MAP4: variants seen among roughly 807,000 people sequenced by gnomAD.
The protein encoded by MAP4 is microtubule-associated protein 4.
A neutral mutation model predicts 170.2 loss-of-function variants in MAP4; 76 were observed. That is an observed-to-expected ratio of 0.45 (90% CI 0.37 to 0.54). The LOEUF (loss-of-function observed/expected upper bound fraction) is 0.54, where lower values mean the gene tolerates loss of function less well. Ranked by LOEUF, MAP4 falls within the 20% of genes least tolerant of loss-of-function variation. MAP4 has a pLI of 0.00. For synonymous variants in MAP4, 909 were observed against 994.5 expected, an observed-to-expected ratio of 0.91 and a Z score of 1.62; for missense variants, 2,506 against 2,748.0, an observed-to-expected ratio of 0.91 and a Z score of 1.97.
intron 10 of MAP4, among the ~76,000 whole-genome samples, chr3:47,881,456 A>ATG (rs2096712122): frequency 4.0e-5 from 1 of 25,012 alleles, no homozygotes; most frequent in Non-Finnish European, 7.6e-5. Context: ...CTATATATAT[A>ATG]TATATATATA....
At chr3:47,869,400 G>T in intron 15 of MAP4, 73 bp from the exon 16 acceptor site, 1 of 1,014,024 alleles carries the variant, frequency 9.9e-7, no homozygotes, top group Non-Finnish European at 1.6e-6. Flanking sequence ...AGGGAAGAAG[G>T]CTGTAGGGGA....
chr3:47,867,418 C>T, intron 16 of MAP4, 80 bp from the exon 17 acceptor site: 1 of 865,878 alleles, frequency 1.2e-6, no homozygotes, highest in Middle Eastern at 2.2e-4. Context: ...AGTGAGTCCA[C>T]ACGTGATCAC....
chr3:47,917,081 TC>T lies in MAP4; in HGVS notation c.745del (p.Asp249ThrfsTer18). The T allele has an allele frequency of 6.2e-7, 1 of 1,614,170 alleles. No individual in the cohort carries two copies. Among genetic ancestry groups the T allele is most frequent in the South Asian group, 1.1e-5 (1 of 91,088 alleles). ...LEIMMGLKTT[D>X]MAPSKETEMA... ...CTCTGTTTCTTTAGATGGTGCCATG[TC>T]AGTAGTCTTCAGTCCCATCATTATT... is the stretch of plus-strand genomic sequence containing the variant. On this transcript the variant is annotated frameshift_variant, in exon 7 of 21. Transcript: ENST00000683076. LOFTEE classifies it high-confidence loss of function.
At chr3:48,022,908 A>G (rs374005151) in intron 1 of MAP4, among the ~76,000 whole-genome samples, 2 of 142,904 alleles carry the variant, frequency 1.4e-5, no homozygotes, top group Admixed American at 1.4e-4. Flanking sequence ...AAAAAAAAAA[A>G]TTTATTTTCC....
Position 48,061,523 on chromosome 3 carries a change from G to A in MAP4, c.-20+27250C>T, listed in dbSNP as rs568624076. On this transcript the variant is annotated intron_variant, in intron 1 of 18. Coordinates refer to the MAP4 transcript ENST00000360240. ...ATGTTGCCCAGGCTGGAGTGCAGTGGCGTGATCTCAGCTAGCTACAACCTC... is the reference window on the plus strand; with the variant it reads ...ATGTTGCCCAGGCTGGAGTGCAGTGACGTGATCTCAGCTAGCTACAACCTC... 2.0e-5 allele frequency among the ~76,000 whole-genome samples: 3 copies of A among 152,302 alleles called. No homozygotes were observed. The South Asian group carries it at 6.2e-4, about 32-fold the overall frequency.
intron 10 of MAP4, among the ~76,000 whole-genome samples, chr3:47,883,166 A>G (rs534658043): frequency 6.6e-6 from 1 of 152,290 alleles, no homozygotes; most frequent in Non-Finnish European, 1.5e-5. Context: ...ATCAGATGGC[A>G]TTACAATTTG....
chr3:47,921,720 T>A (rs766224336), intron 5 of MAP4, 45 bp downstream of exon 5: 65 of 1,186,308 alleles, frequency 5.5e-5, no homozygotes, highest in East Asian at 9.3e-5. Context: ...AAAGAAAAAA[T>A]TTTTTTCCTT....
intron 3 of MAP4, 84 bp from the exon 4 acceptor site, chr3:47,928,434 G>T: frequency 1.5e-6 from 2 of 1,341,290 alleles, no homozygotes; most frequent in Non-Finnish European, 2.1e-6. Flanking sequence ...AAGTATTACA[G>T]CTAGTACAAT....
chr3:48,047,992 T>C (rs967321409), intron 1 of MAP4, among the ~76,000 whole-genome samples: 1 of 152,206 alleles, frequency 6.6e-6, no homozygotes, highest in African/African-American at 2.4e-5. Flanking sequence ...TAGTTCCATC[T>C]ACTTGGAAGG....
chr3:47,918,166 T>A (rs2100040785), intron 6 of MAP4, among the ~76,000 whole-genome samples: 1 of 152,204 alleles, frequency 6.6e-6, no homozygotes. Flanking sequence ...GTATTTTTAG[T>A]AGAGACGGGG....
chr3:47,875,931 T>A, intron 11 of MAP4, 31 bp from the exon 12 acceptor site: 1 of 1,513,334 alleles, frequency 6.6e-7, no homozygotes, highest in Non-Finnish European at 9.0e-7. Context: ...ATTTTTTATT[T>A]TTATTTTTTA....
chr3:47,896,421 C>T (rs369390693), intron 10 of MAP4, among the ~76,000 whole-genome samples: 19 of 151,980 alleles, frequency 1.3e-4, no homozygotes, highest in African/African-American at 4.3e-4. Context: ...CCCAGCTACT[C>T]GGGAGGCTGA....
upstream of MAP4, among the ~76,000 whole-genome samples, chr3:48,018,619 C>G (rs1032756730): frequency 1.3e-5 from 2 of 152,036 alleles, no homozygotes; most frequent in Non-Finnish European, 2.9e-5. Context: ...TCCTGGCCAA[C>G]AAGGTGAAAC....
chr3:47,964,798 G>C (rs2154189352), intron 3 of MAP4, among the ~76,000 whole-genome samples: 1 of 152,300 alleles, frequency 6.6e-6, no homozygotes, highest in Middle Eastern at 3.4e-3. Flanking sequence ...ATTCTGAAGA[G>C]ATCTGTGATA....
rs2100067209 is a variant in MAP4 at position 47,955,443 on chromosome 3, C to CGT, written c.292+22421_292+22422insAC. ...ATAAATAAATAAGCACGTACACACA[C>CGT]ACACACACACACACACACACACACA... On this transcript the variant is annotated intron_variant, in intron 3 of 20. Coordinates refer to ENST00000683076, the MANE Select transcript of MAP4 (RefSeq NM_001385682.1). 1.4e-3 allele frequency among the ~76,000 whole-genome samples: 195 copies of CGT among 139,728 alleles called. 2 individuals are homozygous for CGT. The highest frequency in any genetic ancestry group is 5.1e-3 in the African/African-American group (184 of 36,152). The allele number at this position is 139,728 out of a possible 152,430, so 91.7% of individuals were successfully genotyped here.
At chr3:48,073,845 T>C (rs2100142273) in intron 1 of MAP4, among the ~76,000 whole-genome samples, 1 of 152,176 alleles carries the variant, frequency 6.6e-6, no homozygotes, top group Non-Finnish European at 1.5e-5. Context: ...GGAACTCTTT[T>C]ACACTGTTGG....
At position 48,065,471 on chromosome 3, in the gene MAP4, G is replaced by A. The variant is rs1203727708; in HGVS notation, c.-20+23302C>T. Among the ~76,000 whole-genome samples the A allele has an allele frequency of 2.0e-5, 3 of 152,138 alleles. 1 individual carries two copies. The highest frequency in any genetic ancestry group is 4.4e-5 in the Non-Finnish European group (3 of 68,028). ...CAATTCAAAGGCCACACAAGGCAAG[G>A]GGGACAGAAATCAAGGCCCTGGGCC... On this transcript the variant is annotated intron_variant, in intron 1 of 18. Coordinates refer to the MAP4 transcript ENST00000360240.
intron 3 of MAP4, among the ~76,000 whole-genome samples, chr3:47,941,022 C>T (rs2100055954): frequency 6.6e-6 from 1 of 151,894 alleles, no homozygotes; most frequent in South Asian, 2.1e-4. Flanking sequence ...GGATTACAGG[C>T]AGCCACCACC....
At chr3:47,912,469 C>T in intron 8 of MAP4, 48 bp from the exon 9 acceptor site, 1 of 1,422,908 alleles carries the variant, frequency 7.0e-7, no homozygotes, top group Non-Finnish European at 9.2e-7. Flanking sequence ...TTAAAAACAA[C>T]AAAAAACAAA....
Sources: gnomAD v4.1 joint callset for allele counts (sites outside exome capture counted in the v4.1 genomes callset) on GRCh38, gnomAD v4.1.1 for gene constraint, MANE v1.5 for transcripts, NCBI Gene and HGNC (gene_info 2026-07-23, HGNC 2026-07-21) for gene names.